ARHGAP39: variants seen among roughly 807,000 people sequenced by gnomAD.
The protein encoded by ARHGAP39 is Rho GTPase activating protein 39.
In ARHGAP39, 44 loss-of-function variants were observed where a neutral mutation model predicts 106.9. That is an observed-to-expected ratio of 0.41 (90% confidence interval 0.32 to 0.53). ARHGAP39 has a LOEUF of 0.53. ARHGAP39 is among the 20% of genes least tolerant of loss of function. The pLI is 0.21. For synonymous variants in ARHGAP39, 768 were observed against 693.2 expected (o/e 1.11, Z -1.69); for missense variants, 1,496 against 1,577.3 (o/e 0.95, Z 0.87).
intron 1 of ARHGAP39, among the ~76,000 whole-genome samples, chr8:144,642,961 C>T (rs1396689580): frequency 1.3e-5 from 2 of 151,666 alleles, no homozygotes; most frequent in Non-Finnish European, 2.9e-5. Context: ...TGCCGTGAGC[C>T]GACATCACAC....
chr8:144,623,956 A>G (rs1297387322), intron 1 of ARHGAP39, among the ~76,000 whole-genome samples: 1 of 152,218 alleles, frequency 6.6e-6, no homozygotes, highest in Non-Finnish European at 1.5e-5. Flanking sequence ...ACCAACTGCA[A>G]AGGCCCATGA....
At chr8:144,543,625 C>T (rs1029011484) in intron 6 of ARHGAP39, among the ~76,000 whole-genome samples, 1 of 152,144 alleles carries the variant, frequency 6.6e-6, no homozygotes, top group Non-Finnish European at 1.5e-5. Flanking sequence ...AAGCCACGGC[C>T]GCCCAGGCTG....
chr8:144,538,924 GTTGCTCAAC>G (rs1328414838), intron 6 of ARHGAP39, among the ~76,000 whole-genome samples: 5 of 151,928 alleles, frequency 3.3e-5, no homozygotes, highest in Admixed American at 2.6e-4. Context: ...TCTTTATCTT[GTTGCTCAAC>G]TTGCTCCAGC....
rs751802517 is a variant in ARHGAP39 at position 144,547,534 on chromosome 8, C to T, written c.1552G>A (p.Val518Met). The part of the protein sequence containing the change: ...TPTEGPGDLL[V>M]EQPLAEEQPP... The stretch of plus-strand genomic sequence containing the variant: ...TGTTCCTCGGCCAGGGGCTGCTCCA[C>T]AAGCAGGTCCCCGGGGCCCTCAGTG... The change falls in exon 5 of 12, where the codon GTG becomes ATG. Residue 518 changes from valine to methionine, a missense_variant. Physicochemically the swap from Val to Met is conservative, Grantham distance 21 (BLOSUM62 1). This residue lies in a region of ARHGAP39 where 905 missense variants were observed against 816.4 expected (regional missense o/e 1.11). Transcript: ENST00000377307. The surrounding 1 kb of genome is among the most constrained non-coding windows in gnomAD (Gnocchi z 5.2). 6.8e-7 allele frequency: 1 copy of T among 1,479,074 alleles called. No homozygotes were observed. Among genetic ancestry groups the T allele is most frequent in the South Asian group, 1.4e-5 (1 of 73,158 alleles). 91.6% of individuals were successfully genotyped at this position (1,479,074 alleles called of 1,614,324 possible). A position where few individuals can be genotyped will look rare whatever the true frequency, so the allele number is the denominator to read the frequency against.
At chr8:144,657,131 T>C (rs1181356440) in intron 1 of ARHGAP39, among the ~76,000 whole-genome samples, 1 of 152,082 alleles carries the variant, frequency 6.6e-6, no homozygotes, top group Non-Finnish European at 1.5e-5. Context: ...TGGTGGCTCA[T>C]GCCTGTAATT....
chr8:144,613,984 T>C (rs1306708832), intron 1 of ARHGAP39, among the ~76,000 whole-genome samples: 1 of 152,238 alleles, frequency 6.6e-6, no homozygotes, highest in East Asian at 1.9e-4. Flanking sequence ...GGAGAGTGTC[T>C]ACTGCTTCAT....
chr8:144,569,009 CA>C (rs1432049013), intron 3 of ARHGAP39, among the ~76,000 whole-genome samples: 3 of 152,164 alleles, frequency 2.0e-5, no homozygotes, highest in Non-Finnish European at 4.4e-5. Flanking sequence ...CCCCCATAAA[CA>C]GGCAGAGACG....
intron 6 of ARHGAP39, among the ~76,000 whole-genome samples, chr8:144,539,995 G>C (rs1817124872): frequency 6.6e-6 from 1 of 152,226 alleles, no homozygotes; most frequent in East Asian, 1.9e-4. Flanking sequence ...TGGCCTAACA[G>C]TATTGCCTTC....
chr8:144,576,803 G>A lies in ARHGAP39; in HGVS notation c.512+4043C>T, dbSNP rs865809862. On this transcript the variant is annotated intron_variant, in intron 3 of 11. Transcript: ENST00000377307. ...TTTTTAAAATGTTAACGCCAAGTCCGCTCGTCCGCTTGTTTCTTAAAATGA... is the reference window on the plus strand; with the variant it reads ...TTTTTAAAATGTTAACGCCAAGTCCACTCGTCCGCTTGTTTCTTAAAATGA... 2.0e-5 allele frequency among the ~76,000 whole-genome samples: 3 copies of A among 152,240 alleles called. No homozygotes were observed. The South Asian group carries it at 6.2e-4, about 32-fold the overall frequency.
At chr8:144,648,714 TA>T (rs1228869634) in intron 1 of ARHGAP39, among the ~76,000 whole-genome samples, 1 of 152,192 alleles carries the variant, frequency 6.6e-6, no homozygotes, top group African/African-American at 2.4e-5. Flanking sequence ...GAGGAACTTT[TA>T]AAAACTCATT....
chr8:144,544,975 G>A (rs1004345009), intron 6 of ARHGAP39, among the ~76,000 whole-genome samples: 1 of 152,254 alleles, frequency 6.6e-6, no homozygotes, highest in African/African-American at 2.4e-5. Flanking sequence ...ACTGGCCATG[G>A]TGGGCTTGGA....
rs1468672147 is a variant in ARHGAP39 at position 144,647,334 on chromosome 8, T to C, written c.-82+38352A>G. Among the ~76,000 whole-genome samples the C allele has an allele frequency of 6.6e-6, 1 of 152,034 alleles. No individual in the cohort carries two copies. The highest frequency in any genetic ancestry group is 2.4e-5 in the African/African-American group (1 of 41,392). On this transcript the variant is annotated intron_variant, in intron 1 of 11. Coordinates refer to ENST00000377307, the MANE Select transcript of ARHGAP39 (RefSeq NM_025251.3). The surrounding 1 kb of genome is among the most constrained non-coding windows in gnomAD (Gnocchi z 4.8). ...GAGCAGGGAAGGGACGAACAGCCCA[T>C]CCTCACATGAAACCCGCAGACTGCT...
At chr8:144,690,160 A>G (rs930968818), upstream of ARHGAP39, among the ~76,000 whole-genome samples, 1 of 151,824 alleles carries the variant, frequency 6.6e-6, no homozygotes, top group African/African-American at 2.4e-5. Context: ...CTAGAGTGCA[A>G]TGGCATGATC....
In ARHGAP39 at chr8:144,539,325, C is replaced by T. The variant is rs116730339; in HGVS notation, c.2522-1512G>A. Among the ~76,000 whole-genome samples, 559 of 152,330 alleles carry T rather than the reference C, an allele frequency of 3.7e-3. 3 individuals carry two copies. Among genetic ancestry groups the T allele is most frequent in the African/African-American group, 0.013 (542 of 41,570 alleles). On this transcript the variant is annotated intron_variant, in intron 6 of 11. Coordinates refer to ENST00000377307, the MANE Select transcript of ARHGAP39 (RefSeq NM_025251.3). ...ACTTGATTCCACTACCGCCGACAGT[C>T]GCCCCGGCTTCCTCCCTTTGCGTGT...
intron 3 of ARHGAP39, among the ~76,000 whole-genome samples, chr8:144,571,518 CCCACAG>C: frequency 6.6e-6 from 1 of 152,218 alleles, no homozygotes; most frequent in East Asian, 1.9e-4. Context: ...TAATGACAAA[CCCACAG>C]CCAATATCAT....
chr8:144,657,113 G>C (rs1276710459), intron 1 of ARHGAP39, among the ~76,000 whole-genome samples: 1 of 151,858 alleles, frequency 6.6e-6, no homozygotes, highest in Non-Finnish European at 1.5e-5. Flanking sequence ...AATAATTTTG[G>C]CCTAGCATGG....
At chr8:144,570,259 T>G (rs539543183) in intron 3 of ARHGAP39, among the ~76,000 whole-genome samples, 1 of 152,210 alleles carries the variant, frequency 6.6e-6, no homozygotes, top group East Asian at 1.9e-4. Context: ...AACAAAAGCT[T>G]ATAAGCCGAG....
At chr8:144,533,456 C>T (rs1264988209) in intron 8 of ARHGAP39, 131 bp from the exon 9 acceptor site, 13 of 919,968 alleles carry the variant, frequency 1.4e-5, no homozygotes, top group South Asian at 6.4e-5. Context: ...CACCTGGGTC[C>T]GAGTGTGGTG....
chr8:144,602,251 G>C (rs1356676454), intron 2 of ARHGAP39, among the ~76,000 whole-genome samples: 10 of 141,180 alleles, frequency 7.1e-5, no homozygotes, highest in Admixed American at 6.5e-4. Context: ...GGAGGTGTGT[G>C]TGTGAGCTCA....
Sources: gnomAD v4.1 joint callset for allele counts (sites outside exome capture counted in the v4.1 genomes callset) on GRCh38, gnomAD v4.1.1 for gene constraint, gnomAD v4.1.1 regional missense constraint, Gnocchi (gnomAD v3.1) non-coding constraint, MANE v1.5 for transcripts, NCBI Gene and HGNC (gene_info 2026-07-23, HGNC 2026-07-21) for gene names.